Variants in DOCK2 observed in about 807,000 individuals in gnomAD.
DOCK2 encodes dedicator of cytokinesis protein 2.
In DOCK2, 87 loss-of-function variants were observed where a neutral mutation model predicts 248.9. The ratio of observed to expected loss-of-function variants is 0.35; its 90% CI spans 0.29 to 0.42. The LOEUF (loss-of-function observed/expected upper bound fraction) is 0.42, where lower values mean the gene tolerates loss of function less well. DOCK2 is among the 10% of genes least tolerant of loss of function. DOCK2 has a pLI of 1.00. For missense variants in DOCK2, 1,747 were observed against 2,300.2 expected (o/e 0.76, Z 4.92); for synonymous variants, 805 against 821.6 (o/e 0.98, Z 0.35).
At chr5:169,928,045 GT>G (rs1477387677) in intron 27 of DOCK2, among the ~76,000 whole-genome samples, 4 of 152,210 alleles carry the variant, frequency 2.6e-5, no homozygotes, top group Non-Finnish European at 5.9e-5. Context: ...TAAACAGGTG[GT>G]AGAGAGGGTA....
rs558442732 is a variant in DOCK2, at chr5:169,912,790, G to A, written c.2800-70278G>A. ...AAACATAGCAGGGTGGCAGCAGCAG[G>A]AGCAGCAGTATAACCAGAGTGTTGA... On this transcript the variant is annotated intron_variant, in intron 27 of 51. Coordinates refer to ENST00000520908, the MANE Select transcript of DOCK2 (RefSeq NM_004946.3). Among the ~76,000 whole-genome samples, 23 of 152,236 alleles carry A rather than the reference G, an allele frequency of 1.5e-4. 2 individuals are homozygous for A. In the South Asian group the frequency reaches 4.8e-3, roughly 32 times the overall value.
rs561796553 is a variant in DOCK2, at chr5:169,835,010, A to G, written c.2704-5747A>G. ...AAAAAAACTAAACATTCAGAGAATG[A>G]AAAGGAATCTTGGATTTTTCCAAAT... On this transcript the variant is annotated intron_variant, in intron 26 of 51. Coordinates refer to ENST00000520908, the MANE Select transcript of DOCK2 (RefSeq NM_004946.3). Among the ~76,000 whole-genome samples the G allele has an allele frequency of 2.2e-3, 341 of 152,342 alleles. 2 individuals are homozygous for G. The highest frequency in any genetic ancestry group is 8.0e-3 in the African/African-American group (334 of 41,576).
chr5:169,799,101 T>G (rs1171271440), intron 25 of DOCK2, among the ~76,000 whole-genome samples: 2 of 152,202 alleles, frequency 1.3e-5, no homozygotes. Flanking sequence ...TTATACTCAT[T>G]GTCATCACCT....
At chr5:170,047,179 C>T (rs111546343) in intron 39 of DOCK2, among the ~76,000 whole-genome samples, 283 of 152,128 alleles carry the variant, frequency 1.9e-3, no homozygotes, top group African/African-American at 6.1e-3. Flanking sequence ...TGATGGGAAC[C>T]CTGAATGCAA....
chr5:169,762,574 A>G (rs1033507725), intron 25 of DOCK2, among the ~76,000 whole-genome samples: 1 of 152,194 alleles, frequency 6.6e-6, no homozygotes, highest in Non-Finnish European at 1.5e-5. Context: ...CCTCATCTCT[A>G]GGAATGCTCT....
chr5:169,832,034 G>GAAGGAGC (rs1281392438), intron 26 of DOCK2, among the ~76,000 whole-genome samples: 3 of 152,200 alleles, frequency 2.0e-5, no homozygotes, highest in Non-Finnish European at 2.9e-5. Context: ...TCTGATCATG[G>GAAGGAGC]AAGGAGCATG....
At chr5:170,034,024 T>C (rs1756234936) in intron 34 of DOCK2, among the ~76,000 whole-genome samples, 1 of 152,240 alleles carries the variant, frequency 6.6e-6, no homozygotes, top group South Asian at 2.1e-4. Context: ...AATATTTCTG[T>C]AGAACAGATT....
chr5:169,643,637 C>T (rs946307421), intron 1 of DOCK2, among the ~76,000 whole-genome samples: 3 of 152,138 alleles, frequency 2.0e-5, no homozygotes, highest in East Asian at 1.9e-4. Flanking sequence ...CTCTGCAGCC[C>T]GGTTCCTAAC....
At position 169,810,971 on chromosome 5, in the gene DOCK2, ACTCTCT is replaced by A. The variant is rs372931658; in HGVS notation, c.2703+7779_2703+7784del. Among the ~76,000 whole-genome samples the A allele has an allele frequency of 6.4e-3, 933 of 145,872 alleles. 9 individuals are homozygous for A. Among genetic ancestry groups the A allele is most frequent in the African/African-American group, 0.022 (854 of 38,450 alleles). ...TGTATGTTTACACACACACACACAG[ACTCTCT>A]CTCTCTCTCTCTCACACACACACAC... On this transcript the variant is annotated intron_variant, in intron 26 of 51. Transcript: ENST00000520908.
At chr5:169,793,942 G>A (rs886076591) in intron 25 of DOCK2, among the ~76,000 whole-genome samples, 1 of 152,074 alleles carries the variant, frequency 6.6e-6, no homozygotes, top group Non-Finnish European at 1.5e-5. Flanking sequence ...GCTCAGCGAG[G>A]CCTTCGTTGA....
chr5:169,643,775 G>C (rs1242879546), intron 1 of DOCK2, among the ~76,000 whole-genome samples: 1 of 152,204 alleles, frequency 6.6e-6, no homozygotes, highest in Non-Finnish European at 1.5e-5. Flanking sequence ...TGGAGACATA[G>C]GTGGACAGTA....
In DOCK2 at chr5:169,804,259, C is replaced by T. The variant is rs557605505; in HGVS notation, c.2703+1053C>T. On this transcript the variant is annotated intron_variant, in intron 26 of 51. Transcript: ENST00000520908. ...TCTCTTCCTTTCTACACTTACCATC[C>T]CAATTAAGCCGCTTCTTGTCTTATT... Among the ~76,000 whole-genome samples the T allele has an allele frequency of 5.8e-4, 89 of 152,296 alleles. 2 individuals carry two copies. In the South Asian group the frequency reaches 0.018, roughly 30 times the overall value.
intron 27 of DOCK2, among the ~76,000 whole-genome samples, chr5:169,948,908 T>C (rs919445917): frequency 6.6e-6 from 1 of 152,096 alleles, no homozygotes; most frequent in African/African-American, 2.4e-5. Flanking sequence ...ACATACTGTT[T>C]GGCATAAGGG....
chr5:169,741,079 C>T lies in DOCK2; in HGVS notation c.2268-6317C>T, dbSNP rs151302560. Among the ~76,000 whole-genome samples, 26 of 152,308 alleles carry T rather than the reference C, an allele frequency of 1.7e-4. No homozygotes were observed. The East Asian group carries it at 5.0e-3, about 29-fold the overall frequency. Reference sequence around the variant, plus strand: ...GGCTCAAGTGATCCTCCCATTTCGGCCTCCCAAAGTGTTGGGATTATAGGT... The same window carrying T: ...GGCTCAAGTGATCCTCCCATTTCGGTCTCCCAAAGTGTTGGGATTATAGGT... On this transcript the variant is annotated intron_variant, in intron 22 of 51. Transcript: ENST00000520908.
chr5:170,056,658 A>C (rs1757142107), intron 42 of DOCK2, 26 bp from the exon 43 acceptor site: 1 of 1,608,946 alleles, frequency 6.2e-7, no homozygotes, highest in Non-Finnish European at 8.5e-7. Flanking sequence ...GGCTACCAGG[A>C]GCCTCAGCCT....
At chr5:169,699,254 C>T (rs1760816135) in intron 11 of DOCK2, 128 bp from the exon 12 acceptor site, 2 of 767,794 alleles carry the variant, frequency 2.6e-6, no homozygotes, top group Middle Eastern at 3.9e-4. Context: ...CATGTATATA[C>T]CCTGGGCTGA....
intron 25 of DOCK2, among the ~76,000 whole-genome samples, chr5:169,802,037 TC>T (rs1289649976): frequency 2.6e-5 from 4 of 151,944 alleles, no homozygotes; most frequent in East Asian, 1.9e-4. Context: ...TTTTTTTTTT[TC>T]CTCAAGGTTT....
chr5:169,644,740 G>A (rs1408479337), intron 1 of DOCK2, among the ~76,000 whole-genome samples: 1 of 151,698 alleles, frequency 6.6e-6, no homozygotes, highest in Non-Finnish European at 1.5e-5. Flanking sequence ...CGTCATCTAG[G>A]TTTTAAGCCC....
chr5:169,928,569 C>A (rs1775589622), intron 27 of DOCK2, among the ~76,000 whole-genome samples: 1 of 152,188 alleles, frequency 6.6e-6, no homozygotes, highest in African/African-American at 2.4e-5. Flanking sequence ...GAAGCATCGT[C>A]CATCCAAAAG....
Sources: gnomAD v4.1 joint callset for allele counts (sites outside exome capture counted in the v4.1 genomes callset) on GRCh38, gnomAD v4.1.1 for gene constraint, MANE v1.5 for transcripts, NCBI Gene and HGNC (gene_info 2026-07-23, HGNC 2026-07-21) for gene names.